The following CPOX variants were observed in gnomAD, a reference collection of about 807,000 sequenced individuals.
CPOX encodes oxygen-dependent coproporphyrinogen-III oxidase, mitochondrial.
Under a neutral mutation model 48.9 loss-of-function variants are expected in CPOX, and 24 were observed. The observed-to-expected ratio is 0.49, with a 90% CI of 0.36 to 0.69. The LOEUF (loss-of-function observed/expected upper bound fraction) is 0.69. Among genes scored for constraint, CPOX ranks in the 30% least tolerant of loss-of-function variants. The probability of loss-of-function intolerance (pLI) is 0.00; values close to 1 mark genes in which losing one functional copy is unlikely to be tolerated. For synonymous variants in CPOX, 249 were observed against 234.6 expected, an observed-to-expected ratio of 1.06 and a Z score of -0.56; for missense variants, 549 against 597.3, an observed-to-expected ratio of 0.92 and a Z score of 0.84.
At chr3:98,592,662 T>G (rs914784555) in intron 1 of CPOX, among the ~76,000 whole-genome samples, 5 of 152,132 alleles carry the variant, frequency 3.3e-5, no homozygotes, top group African/African-American at 1.2e-4. Context: ...GCTTGTTAGC[T>G]GCAAATACCC....
chr3:98,573,696 T>C, the CPOX span, among the ~76,000 whole-genome samples: 1 of 152,206 alleles, frequency 6.6e-6, no homozygotes, highest in Non-Finnish European at 1.5e-5. Context: ...ATGGAGATAA[T>C]TTTATCATCT....
the CPOX span, among the ~76,000 whole-genome samples, chr3:98,572,097 C>T: frequency 6.6e-6 from 1 of 152,134 alleles, no homozygotes; most frequent in African/African-American, 2.4e-5. Flanking sequence ...TAATTTACAT[C>T]TTCTACATCT....
rs990456890 is a variant in CPOX at position 98,579,486 on chromosome 3, G to C, written c.*1197C>G. The C allele has an allele frequency of 1.1e-6, 1 of 904,094 alleles. No individual in the cohort carries two copies. Among genetic ancestry groups the C allele is most frequent in the Admixed American group, 6.2e-5 (1 of 16,168 alleles). 56.0% of individuals were successfully genotyped at this position (904,094 alleles called of 1,614,324 possible). On this transcript the variant is annotated 3_prime_UTR_variant, in exon 7 of 7. Coordinates refer to ENST00000647941, the MANE Select transcript of CPOX (RefSeq NM_000097.7). ...AATAAAATTTATTAGCAGATCTCTTGTAAGACAGTTGAAGAATTCATACAT... is the reference window on the plus strand; with the variant it reads ...AATAAAATTTATTAGCAGATCTCTTCTAAGACAGTTGAAGAATTCATACAT...
At chr3:98,574,819 TCCACCCACCTCGGCCTC>T, downstream of CPOX, among the ~76,000 whole-genome samples, 1 of 152,180 alleles carries the variant, frequency 6.6e-6, no homozygotes, top group Non-Finnish European at 1.5e-5. Flanking sequence ...CCTCAGGTGA[TCCACCCACCTCGGCCTC>T]CCAAAGTGCT....
chr3:98,585,563 C>T lies in CPOX; in HGVS notation c.1050G>A (p.Val350=), dbSNP rs1459066144. ...DDLDSPSKEE[V]FRFVQSCARA... is the part of the protein sequence containing the mutation. Reference sequence around the variant, plus strand: ...TGGCACAGCTCTGTACAAAGCGAAACACCTCCTCCTTGGACGGAGAGTCAA... The same window carrying T: ...TGGCACAGCTCTGTACAAAGCGAAATACCTCCTCCTTGGACGGAGAGTCAA... The change falls in exon 5 of 7, where the codon GTG becomes GTA. Residue 350 remains valine (V), a synonymous_variant. Coordinates refer to ENST00000647941, the MANE Select transcript of CPOX (RefSeq NM_000097.7). 11 of 1,614,024 alleles carry T rather than the reference C, an allele frequency of 6.8e-6. No homozygotes were observed. The highest frequency in any genetic ancestry group is 9.3e-6 in the Non-Finnish European group (11 of 1,180,048).
chr3:98,580,752 T>C lies in CPOX; in HGVS notation c.1296A>G (p.Ser432=). Residue 432 remains serine (S), a synonymous_variant, in exon 7 of 7, where the codon TCA becomes TCG. Transcript: ENST00000647941. ...PLTARWEYMH[S]PSENSKEAEI... is the part of the protein sequence containing the mutation. ...CAGCTTCTTTGGAATTCTCTGAGGG[T>C]GAATGCATGTACTCCCATCTATGCA... 2 of 1,613,954 alleles carry C rather than the reference T, an allele frequency of 1.2e-6. No individual in the cohort carries two copies. Among genetic ancestry groups the C allele is most frequent in the Non-Finnish European group, 1.7e-6 (2 of 1,179,990 alleles).
At chr3:98,589,828 GGCACT>G (rs1292537971) in intron 3 of CPOX, 1 of 152,398 alleles carries the variant, frequency 6.6e-6, no homozygotes, top group Non-Finnish European at 1.5e-5. Flanking sequence ...GAATAGGTGT[GGCACT>G]GCACATGTAC....
In CPOX at chr3:98,581,508, A is replaced by G. The variant is rs145903251; in HGVS notation, c.1176T>C (p.Tyr392=). Residue 392 remains tyrosine (Y), a synonymous_variant, in exon 6 of 7, where the codon TAT becomes TAC. Transcript: ENST00000647941. ...GATCATACAGCAGATTAAATTCTACATACCTGCCATAAATACATCAAATAA... is the reference window on the plus strand; with the variant it reads ...GATCATACAGCAGATTAAATTCTACGTACCTGCCATAAATACATCAAATAA... The part of the protein sequence containing the change: ...KLWQQLRRGR[Y]VEFNLLYDRG... 65 of 1,609,722 alleles carry G rather than the reference A, an allele frequency of 4.0e-5. No homozygotes were observed. Among genetic ancestry groups the G allele is most frequent in the Non-Finnish European group, 5.2e-5 (61 of 1,176,276 alleles).
In CPOX at chr3:98,591,217, C is replaced by T; in HGVS notation, c.557-62G>A. 4 of 1,569,706 alleles carry T rather than the reference C, an allele frequency of 2.5e-6. No individual in the cohort carries two copies. In the South Asian group the frequency reaches 4.4e-5, roughly 17 times the overall value. On this transcript the variant is annotated intron_variant, in intron 1 of 6. Coordinates refer to ENST00000647941, the MANE Select transcript of CPOX (RefSeq NM_000097.7). ...AGTATGTGCAAAACTGAAAGCAACA[C>T]TTGCATGAAGATGGTTATTTTCCCG...
At position 98,593,385 on chromosome 3, in the gene CPOX, C is replaced by G; in HGVS notation, c.120G>C (p.Gln40His). 1 of 1,379,774 alleles carries G rather than the reference C, an allele frequency of 7.2e-7. No individual in the cohort carries two copies. Among genetic ancestry groups the G allele is most frequent in the Non-Finnish European group, 9.3e-7 (1 of 1,077,766 alleles). 85.5% of individuals were successfully genotyped at this position (1,379,774 alleles called of 1,614,324 possible). A position where few individuals can be genotyped will look rare whatever the true frequency, so the allele number is the denominator to read the frequency against. Residue 40 changes from glutamine (Q) to histidine (H), a missense_variant, in exon 1 of 7, where the codon CAG becomes CAC. Transcript: ENST00000647941. ...CGGGGLRAWS[Q>H]RSAAGRVCRP... ...GGCAGACGCGTCCGGCTGCGCTGCG[C>G]TGGGACCAGGCTCGGAGCCCTCCGC...
chr3:98,579,887 C>G lies in CPOX; in HGVS notation c.*796G>C. 5.1e-6 allele frequency: 5 copies of G among 985,474 alleles called. No individual in the cohort carries two copies. Among genetic ancestry groups the G allele is most frequent in the Non-Finnish European group, 6.0e-6 (5 of 829,620 alleles). The allele number at this position is 985,474 out of a possible 1,614,324, so 61.0% of individuals were successfully genotyped here. ...TGACATCCCTAGGATTATTCTTAGT[C>G]TCAACTTCCACACAGAGATGTCTGA... is the stretch of plus-strand genomic sequence containing the variant. On this transcript the variant is annotated 3_prime_UTR_variant, in exon 7 of 7. Transcript: ENST00000647941.
chr3:98,584,514 C>A (rs1462762924), intron 5 of CPOX, among the ~76,000 whole-genome samples: 1 of 152,188 alleles, frequency 6.6e-6, no homozygotes, highest in Non-Finnish European at 1.5e-5. Flanking sequence ...AAATGTTTAT[C>A]TTTAGACTGG....
downstream of CPOX, among the ~76,000 whole-genome samples, chr3:98,579,107 C>T (rs1396234614): frequency 4.6e-5 from 7 of 152,170 alleles, no homozygotes; most frequent in South Asian, 2.1e-4. Context: ...GGATGAAGAC[C>T]TTTACGATGA....
chr3:98,593,418 C>G lies in CPOX; in HGVS notation c.87G>C (p.Gln29His), dbSNP rs748129902. The change falls in exon 1 of 7, where the codon CAG becomes CAC. Residue 29 changes from glutamine (Q) to histidine (H), a missense_variant. Transcript: ENST00000647941. The stretch of plus-strand genomic sequence containing the variant: ...AGGCTCGGAGCCCTCCGCCGCCGCA[C>G]TGGGACCAGGCGCGGGGCCCTCCGC... Reference protein sequence around the residue: ...GGCGGPRAWSQCGGGGLRAWS... With the variant: ...GGCGGPRAWSHCGGGGLRAWS... 1 of 1,457,038 alleles carries G rather than the reference C, an allele frequency of 6.9e-7. No homozygotes were observed. Among genetic ancestry groups the G allele is most frequent in the African/African-American group, 1.5e-5 (1 of 67,340 alleles). 90.3% of individuals were successfully genotyped at this position (1,457,038 alleles called of 1,614,324 possible).
intron 4 of CPOX, 51 bp from the exon 5 acceptor site, chr3:98,585,710 A>G (rs771079616): frequency 7.3e-7 from 1 of 1,369,098 alleles, no homozygotes; most frequent in Non-Finnish European, 1.0e-6. Context: ...AAAAACAGAC[A>G]TGAAAATCAA....
At chr3:98,575,977 C>A (rs968480468), downstream of CPOX, among the ~76,000 whole-genome samples, 53 of 141,430 alleles carry the variant, frequency 3.7e-4, no homozygotes, top group African/African-American at 1.4e-3. Flanking sequence ...GAGGCTGAGG[C>A]AAGAGAATGG....
At position 98,582,882 on chromosome 3, in the gene CPOX, TCTAA is replaced by T. The variant is rs542018753; in HGVS notation, c.1173-1375_1173-1372del. Among the ~76,000 whole-genome samples the T allele has an allele frequency of 6.6e-5, 10 of 152,346 alleles. No homozygotes were observed. The South Asian group carries it at 1.9e-3, about 28-fold the overall frequency. ...TAAAGAATTTTATCTATGCTCCCTT[TCTAA>T]CTCTCACCATTTATCATTGACTTTT... is the stretch of plus-strand genomic sequence containing the variant. On this transcript the variant is annotated intron_variant, in intron 5 of 6. Coordinates refer to ENST00000647941, the MANE Select transcript of CPOX (RefSeq NM_000097.7).
chr3:98,588,213 G>C (rs1361418606), intron 4 of CPOX, among the ~76,000 whole-genome samples: 1 of 133,788 alleles, frequency 7.5e-6, no homozygotes, highest in Admixed American at 7.7e-5. Context: ...AAATATTCTG[G>C]GTCTTCTCCC....
chr3:98,572,630 C>T, the CPOX span, among the ~76,000 whole-genome samples: 1 of 152,112 alleles, frequency 6.6e-6, no homozygotes, highest in Non-Finnish European at 1.5e-5. Flanking sequence ...CTACTGATTA[C>T]CTTTACTATA....
Sources: gnomAD v4.1 joint callset for allele counts (sites outside exome capture counted in the v4.1 genomes callset) on GRCh38, gnomAD v4.1.1 for gene constraint, MANE v1.5 for transcripts, NCBI Gene and HGNC (gene_info 2026-07-23, HGNC 2026-07-21) for gene names.